The following ADGRB3 variants were observed in gnomAD, a reference collection of about 807,000 sequenced individuals.
ADGRB3 encodes adhesion G protein-coupled receptor B3.
ADGRB3 carries 37 observed loss-of-function variants against 193.4 expected under a neutral mutation model. The observed-to-expected ratio is 0.19, with a 90% CI of 0.15 to 0.25. ADGRB3 has a LOEUF of 0.25. Ranked by LOEUF, ADGRB3 falls within the 10% of genes least tolerant of loss-of-function variation. The pLI, the probability that ADGRB3 is intolerant of heterozygous loss-of-function variation, is 1.00. For missense variants in ADGRB3, 1,637 were observed against 1,852.9 expected, an observed-to-expected ratio of 0.88 and a Z score of 2.14; for synonymous variants, 690 against 644.2, an observed-to-expected ratio of 1.07 and a Z score of -1.08.
chr6:68,912,810 A>G (rs1766755385), intron 3 of ADGRB3, among the ~76,000 whole-genome samples: 1 of 152,086 alleles, frequency 6.6e-6, no homozygotes, highest in Non-Finnish European at 1.5e-5. Flanking sequence ...TTCCTAGTCA[A>G]AGAAAGGGGT....
At chr6:69,374,030 T>A (rs1293687289) in intron 30 of ADGRB3, among the ~76,000 whole-genome samples, 1 of 152,050 alleles carries the variant, frequency 6.6e-6, no homozygotes, top group African/African-American at 2.4e-5. Flanking sequence ...CATAAAACCA[T>A]GTTGTTAGTA....
chr6:68,759,420 A>G (rs959642267), intron 3 of ADGRB3, among the ~76,000 whole-genome samples: 9 of 152,092 alleles, frequency 5.9e-5, no homozygotes, highest in Non-Finnish European at 1.0e-4. Flanking sequence ...ATTATTTTAC[A>G]TATATTGCCT....
intron 3 of ADGRB3, among the ~76,000 whole-genome samples, chr6:68,687,735 T>A (rs111743549): frequency 6.6e-6 from 1 of 152,024 alleles, no homozygotes. Flanking sequence ...AAAACAGAAA[T>A]GTAACTCACA....
At chr6:68,955,875 A>C (rs1336576916) in intron 6 of ADGRB3, 149 bp from the exon 7 acceptor site, 1 of 660,042 alleles carries the variant, frequency 1.5e-6, no homozygotes, top group Non-Finnish European at 2.4e-6. Flanking sequence ...GGGAGTTAAT[A>C]AAATCTCATG....
intron 17 of ADGRB3, among the ~76,000 whole-genome samples, chr6:69,147,930 T>C (rs1774551448): frequency 6.6e-6 from 1 of 152,186 alleles, no homozygotes; most frequent in Admixed American, 6.5e-5. Flanking sequence ...TCTTGAAATC[T>C]ATTTTGTTTG....
chr6:69,310,190 T>A (rs1768161064), intron 20 of ADGRB3, among the ~76,000 whole-genome samples: 1 of 151,798 alleles, frequency 6.6e-6, no homozygotes, highest in Admixed American at 6.6e-5. Flanking sequence ...TCTTTTCTTG[T>A]TGGCACTTTT....
intron 23 of ADGRB3, among the ~76,000 whole-genome samples, chr6:69,331,270 C>T (rs185935337): frequency 5.9e-5 from 9 of 152,230 alleles, no homozygotes; most frequent in East Asian, 1.9e-4. Context: ...TTTTAAACTA[C>T]GGTAATGTGA....
intron 3 of ADGRB3, among the ~76,000 whole-genome samples, chr6:68,655,785 C>T (rs577831899): frequency 5.3e-5 from 8 of 151,510 alleles, no homozygotes; most frequent in Non-Finnish European, 1.0e-4. Context: ...GTGATTGCCC[C>T]AAATGATGGT....
intron 3 of ADGRB3, among the ~76,000 whole-genome samples, chr6:68,644,224 G>C (rs193161182): frequency 7.2e-5 from 11 of 152,036 alleles, no homozygotes; most frequent in Admixed American, 5.9e-4. Context: ...GGGGAAGATT[G>C]CTATTATTTT....
At chr6:69,088,070 C>A (rs749698898) in intron 17 of ADGRB3, among the ~76,000 whole-genome samples, 11 of 152,230 alleles carry the variant, frequency 7.2e-5, no homozygotes, top group African/African-American at 2.2e-4. Context: ...GGAGGTCTCT[C>A]CCTTTTATGG....
At chr6:68,965,269 G>T (rs1768345415) in intron 8 of ADGRB3, among the ~76,000 whole-genome samples, 1 of 152,114 alleles carries the variant, frequency 6.6e-6, no homozygotes, top group East Asian at 1.9e-4. Flanking sequence ...GCAGCAGCAT[G>T]AATTCTTCAC....
chr6:68,806,647 A>G (rs923352788), intron 3 of ADGRB3, among the ~76,000 whole-genome samples: 2 of 151,644 alleles, frequency 1.3e-5, no homozygotes, highest in African/African-American at 4.8e-5. Context: ...ATATAAATAT[A>G]TATTAAGTAA....
At chr6:68,697,145 A>G (rs550314270) in intron 3 of ADGRB3, among the ~76,000 whole-genome samples, 2 of 152,142 alleles carry the variant, frequency 1.3e-5, no homozygotes, top group African/African-American at 4.8e-5. Context: ...ATTAATGTCT[A>G]GAAATAAGTT....
At position 69,226,030 on chromosome 6, in the gene ADGRB3, C is replaced by A. The variant is rs141995753; in HGVS notation, c.2481-7260C>A. 1.8e-3 allele frequency among the ~76,000 whole-genome samples: 279 copies of A among 152,260 alleles called. 1 individual carries two copies. Among genetic ancestry groups the A allele is most frequent in the Non-Finnish European group, 1.9e-3 (128 of 68,012 alleles). The stretch of plus-strand genomic sequence containing the variant: ...ATTTCTTACCATACTCCTTTCTACT[C>A]TCACTATTTCCAATTTAAAACAACA... On this transcript the variant is annotated intron_variant, in intron 17 of 31. Transcript: ENST00000370598.
chr6:68,747,927 G>A (rs2127345598), intron 3 of ADGRB3, among the ~76,000 whole-genome samples: 1 of 152,256 alleles, frequency 6.6e-6, no homozygotes, highest in Non-Finnish European at 1.5e-5. Flanking sequence ...AATCATGGCG[G>A]GAGGTGAAAG....
intron 3 of ADGRB3, among the ~76,000 whole-genome samples, chr6:68,733,307 G>A (rs1482990139): frequency 6.7e-6 from 1 of 149,582 alleles, no homozygotes; most frequent in Non-Finnish European, 1.5e-5. Flanking sequence ...GGAATACTAT[G>A]CAGTCATAAA....
chr6:69,232,735 C>T, intron 17 of ADGRB3: 1 of 984,668 alleles, frequency 1.0e-6, no homozygotes, highest in Non-Finnish European at 1.5e-6. Flanking sequence ...ATTTTCACAG[C>T]AGCTATTCTA....
At chr6:68,961,826 C>T (rs1282353829) in intron 8 of ADGRB3, among the ~76,000 whole-genome samples, 1 of 152,170 alleles carries the variant, frequency 6.6e-6, no homozygotes, top group Non-Finnish European at 1.5e-5. Context: ...GCTCCTATTT[C>T]ATTGGAATTT....
In ADGRB3 at chr6:69,325,039, A is replaced by G; in HGVS notation, c.2965+17A>G. On this transcript the variant is annotated intron_variant, in intron 21 of 31. Coordinates refer to ENST00000370598, the MANE Select transcript of ADGRB3 (RefSeq NM_001704.3). ...TTGGATGGGGTAAGCATATTGATAT[A>G]CCGTTTCATGCTCTTCTCAAAATGA... is the stretch of plus-strand genomic sequence containing the variant. 2 of 1,608,148 alleles carry G rather than the reference A, an allele frequency of 1.2e-6. No homozygotes were observed. Among genetic ancestry groups the G allele is most frequent in the East Asian group, 4.5e-5 (2 of 44,700 alleles).
Sources: allele counts gnomAD v4.1 joint callset (sites outside exome capture counted in the v4.1 genomes callset), GRCh38; gene constraint gnomAD v4.1.1; transcripts MANE v1.5; gene names NCBI Gene and HGNC (gene_info 2026-07-23, HGNC 2026-07-21).